The following SLIT3 variants were observed in gnomAD, a reference collection of about 807,000 sequenced individuals.
SLIT3 encodes slit guidance ligand 3.
In SLIT3, 68 loss-of-function variants were observed where a neutral mutation model predicts 184.0. That is an observed-to-expected ratio of 0.37 (90% CI 0.30 to 0.45). The LOEUF (loss-of-function observed/expected upper bound fraction) is 0.45. Among genes scored for constraint, SLIT3 ranks in the 20% least tolerant of loss-of-function variants. The probability of loss-of-function intolerance (pLI) is 1.00; values close to 1 mark genes in which losing one functional copy is unlikely to be tolerated. For synonymous variants in SLIT3, 831 were observed against 828.6 expected, an observed-to-expected ratio of 1.00 and a Z score of -0.05; for missense variants, 1,707 against 2,026.0, an observed-to-expected ratio of 0.84 and a Z score of 3.02.
chr5:169,194,225 C>A (rs1763664969), intron 3 of SLIT3, among the ~76,000 whole-genome samples: 1 of 86,376 alleles, frequency 1.2e-5, no homozygotes, highest in Non-Finnish European at 2.0e-5. Context: ...CAGAGCAAGA[C>A]TCTGTCTCAA....
intron 4 of SLIT3, among the ~76,000 whole-genome samples, chr5:169,130,338 G>T (rs896589937): frequency 6.6e-6 from 1 of 152,198 alleles, no homozygotes; most frequent in Non-Finnish European, 1.5e-5. Flanking sequence ...ATAAGGAATG[G>T]TGTTTGTTAT....
intron 14 of SLIT3, chr5:168,768,037 C>T (rs1399892961): frequency 5.6e-6 from 2 of 358,932 alleles, no homozygotes; most frequent in South Asian, 2.0e-5. Flanking sequence ...TACCCTCCTG[C>T]CTTTGGTGAG....
At chr5:168,718,487 G>GTATGCATGCCT (rs1762821065) in intron 23 of SLIT3, among the ~76,000 whole-genome samples, 2 of 152,126 alleles carry the variant, frequency 1.3e-5, no homozygotes, top group Non-Finnish European at 2.9e-5. Context: ...ATGTGACTTG[G>GTATGCATGCCT]TGTGGAGCAA....
intron 4 of SLIT3, among the ~76,000 whole-genome samples, chr5:168,942,448 C>T (rs1283003433): frequency 6.6e-6 from 1 of 152,172 alleles, no homozygotes; most frequent in Non-Finnish European, 1.5e-5. Context: ...TAACCTTGTT[C>T]TATAAGCTAG....
At chr5:169,064,721 G>A (rs577821327) in intron 4 of SLIT3, among the ~76,000 whole-genome samples, 2 of 152,274 alleles carry the variant, frequency 1.3e-5, no homozygotes, top group East Asian at 1.9e-4. Flanking sequence ...CTTCTGTCCC[G>A]AGACACTGGA....
intron 4 of SLIT3, among the ~76,000 whole-genome samples, chr5:169,026,963 T>C (rs1756852277): frequency 6.6e-6 from 1 of 152,192 alleles, no homozygotes. Flanking sequence ...GAGGGGATAT[T>C]GTGTGGAACA....
chr5:169,170,654 G>C (rs1262007207), intron 4 of SLIT3, among the ~76,000 whole-genome samples: 1 of 152,158 alleles, frequency 6.6e-6, no homozygotes, highest in East Asian at 1.9e-4. Context: ...GCTGCCACCA[G>C]AGCGCCCAAT....
chr5:168,861,899 C>T (rs933388981), intron 5 of SLIT3, among the ~76,000 whole-genome samples: 8 of 152,146 alleles, frequency 5.3e-5, no homozygotes, highest in African/African-American at 1.9e-4. Context: ...GCTTGGGAAC[C>T]TTGGTGTATT....
intron 4 of SLIT3, among the ~76,000 whole-genome samples, chr5:169,128,152 A>G (rs1761150262): frequency 6.6e-6 from 1 of 151,140 alleles, no homozygotes. Context: ...ATGTTATATA[A>G]TGTTCTTTAA....
chr5:169,269,942 T>C (rs888510566), intron 1 of SLIT3, among the ~76,000 whole-genome samples: 2 of 152,202 alleles, frequency 1.3e-5, no homozygotes, highest in Non-Finnish European at 2.9e-5. Context: ...TCCATTTATC[T>C]TAAGGGGAGG....
At chr5:168,967,437 C>CCTTTTTTTTTT (rs1763237303) in intron 4 of SLIT3, among the ~76,000 whole-genome samples, 1 of 32,732 alleles carries the variant, frequency 3.1e-5, no homozygotes, top group African/African-American at 1.1e-4. Context: ...CATCTCAAAT[C>CCTTTTTTTTTT]TTTTTTTTTT....
chr5:169,062,775 G>T (rs189791581), intron 4 of SLIT3, among the ~76,000 whole-genome samples: 3 of 152,096 alleles, frequency 2.0e-5, no homozygotes, highest in Non-Finnish European at 2.9e-5. Context: ...CTCAGAGTTG[G>T]GTCCAGTAAG....
At chr5:169,239,597 C>G (rs1484313432) in intron 3 of SLIT3, among the ~76,000 whole-genome samples, 1 of 151,974 alleles carries the variant, frequency 6.6e-6, no homozygotes, top group South Asian at 2.1e-4. Flanking sequence ...CCTATTATCA[C>G]TTTAATATTT....
chr5:168,871,156 T>A (rs1182814250), intron 5 of SLIT3, among the ~76,000 whole-genome samples: 1 of 152,206 alleles, frequency 6.6e-6, no homozygotes, highest in African/African-American at 2.4e-5. Flanking sequence ...GTTGTCCTCC[T>A]TCCCTGAATC....
At chr5:169,103,312 T>C (rs1760085692) in intron 4 of SLIT3, among the ~76,000 whole-genome samples, 1 of 152,250 alleles carries the variant, frequency 6.6e-6, no homozygotes, top group Non-Finnish European at 1.5e-5. Flanking sequence ...CCTGTTTTAT[T>C]TGAAGTGGAG....
At chr5:169,064,394 T>C (rs13358355) in intron 4 of SLIT3, among the ~76,000 whole-genome samples, 10,682 of 152,304 alleles carry the variant, frequency 0.07, 360 homozygotes, top group Non-Finnish European at 0.086. Flanking sequence ...ATGCCCACTA[T>C]GTGTGAGGCC....
intron 4 of SLIT3, among the ~76,000 whole-genome samples, chr5:168,907,965 T>TAG (rs1315715773): frequency 1.8e-3 from 144 of 80,062 alleles, no homozygotes; most frequent in Non-Finnish European, 2.1e-3. Flanking sequence ...TATATATATA[T>TAG]ATATATATAT....
At chr5:168,755,446 T>TCTCTCTCTCTCTCTCTCTCTCTC (rs1754904459) in intron 16 of SLIT3, among the ~76,000 whole-genome samples, 2 of 115,572 alleles carry the variant, frequency 1.7e-5, no homozygotes, top group Admixed American at 9.1e-5. Context: ...TCTTTCTTTC[T>TCTCTCTCTCTCTCTCTCTCTCTC]TTTTGAGACA....
chr5:168,931,757 G>A (rs1761993584), intron 4 of SLIT3, among the ~76,000 whole-genome samples: 1 of 152,196 alleles, frequency 6.6e-6, no homozygotes, highest in South Asian at 2.1e-4. Context: ...TAGCAAGTAG[G>A]TGTATGATGA....
Sources: allele counts gnomAD v4.1 joint callset (sites outside exome capture counted in the v4.1 genomes callset), GRCh38; gene constraint gnomAD v4.1.1; transcripts MANE v1.5; gene names NCBI Gene and HGNC (gene_info 2026-07-23, HGNC 2026-07-21).